Variants in CSMD1 observed in about 807,000 individuals in gnomAD.
CSMD1 encodes CUB and sushi domain-containing protein 1.
A neutral mutation model predicts 417.5 loss-of-function variants in CSMD1; 213 were observed. The observed-to-expected ratio is 0.51, with a 90% CI of 0.46 to 0.57. The LOEUF is 0.57. Ranked by LOEUF, CSMD1 falls within the 20% of genes least tolerant of loss-of-function variation. The pLI, the probability that CSMD1 is intolerant of heterozygous loss-of-function variation, is 0.00. For synonymous variants in CSMD1, 2,862 were observed against 1,736.8 expected (o/e 1.65, Z -16.11); for missense variants, 6,923 against 4,529.7 (o/e 1.53, Z -15.17).
Position 4,266,653 on chromosome 8 carries a change from T to G in CSMD1, c.415+153300A>C, listed in dbSNP as rs1229010603. On this transcript the variant is annotated intron_variant, in intron 3 of 69. Transcript: ENST00000635120. ...GTTGAACATTTTTATTTGTCATCTA[T>G]GAACATTGATATAACTTGAAAAATA... Among the ~76,000 whole-genome samples, 3 of 105,172 alleles carry G rather than the reference T, an allele frequency of 2.9e-5. 1 individual carries two copies. Among genetic ancestry groups the G allele is most frequent in the Non-Finnish European group, 7.7e-5 (3 of 38,990 alleles). The allele number at this position is 105,172 out of a possible 152,430, so 69.0% of individuals were successfully genotyped here.
At chr8:3,086,605 T>C (rs35850366) in intron 49 of CSMD1, among the ~76,000 whole-genome samples, 35,847 of 152,074 alleles carry the variant, frequency 0.24, 4,526 homozygotes, top group East Asian at 0.31. Flanking sequence ...ACCTGATTTT[T>C]ATGCACATGA....
intron 2 of CSMD1, among the ~76,000 whole-genome samples, chr8:4,573,835 C>G (rs1439765257): frequency 1.3e-5 from 2 of 152,186 alleles, no homozygotes; most frequent in Non-Finnish European, 2.9e-5. Flanking sequence ...GAGGAGGAAT[C>G]TAGAGAAGCA....
chr8:4,371,780 G>A (rs781253732), intron 3 of CSMD1, among the ~76,000 whole-genome samples: 2 of 152,134 alleles, frequency 1.3e-5, no homozygotes, highest in Non-Finnish European at 2.9e-5. Flanking sequence ...GACAAATATT[G>A]TTTTTTAATT....
rs1809654986 is a variant in CSMD1, at chr8:3,926,051, T to TATACACACACACACACACACACACC, written c.818+71851_818+71852insGGTGTGTGTGTGTGTGTGTGTGTAT. Among the ~76,000 whole-genome samples the TATACACACACACACACACACACACC allele has an allele frequency of 2.9e-4, 22 of 76,670 alleles. 1 individual carries two copies. In the East Asian group the frequency reaches 3.9e-3, roughly 13 times the overall value. 50.3% of individuals were successfully genotyped at this position (76,670 alleles called of 152,430 possible). On this transcript the variant is annotated intron_variant, in intron 5 of 69. Transcript: ENST00000635120. Reference sequence around the variant, plus strand: ...CACACACACACACACACAAACACCATATACACACACACACACACACACAAA... The same window carrying TATACACACACACACACACACACACC: ...CACACACACACACACACAAACACCATATACACACACACACACACACACACCATACACACACACACACACACACAAA...
At position 2,949,358 on chromosome 8, in the gene CSMD1, A is replaced by C; in HGVS notation, c.10343T>G (p.Phe3448Cys). Residue 3448 changes from phenylalanine to cysteine, a missense_variant, in exon 68 of 70, where the codon TTT (phenylalanine) becomes TGT (cysteine). Physicochemically the swap from Phe to Cys is radical, Grantham distance 205 (BLOSUM62 -2). Transcript: ENST00000635120. ...TCCATGAATGTCACCTTGAAAAGTA[A>C]ATCCTCCTCTTTCAAGTCCAGATGA... is the stretch of plus-strand genomic sequence containing the variant. ...YVSSGLERGGFTFQGDIHGKD... is the reference protein window; with the variant it reads ...YVSSGLERGGCTFQGDIHGKD... 1 of 1,607,258 alleles carries C rather than the reference A, an allele frequency of 6.2e-7. No individual in the cohort carries two copies. The highest frequency in any genetic ancestry group is 8.5e-7 in the Non-Finnish European group (1 of 1,176,364).
rs1277549095 is a variant in CSMD1, at chr8:3,930,553, T to C, written c.818+67350A>G. On this transcript the variant is annotated intron_variant, in intron 5 of 69. Coordinates refer to ENST00000635120, the MANE Select transcript of CSMD1 (RefSeq NM_033225.6). ...TCAAAAGTTCTAAGTTGCTAGCCAA[T>C]CGGGACAAATACAGAATCTGAGGTC... Among the ~76,000 whole-genome samples the C allele has an allele frequency of 1.3e-5, 2 of 150,282 alleles. 1 individual carries two copies. Among genetic ancestry groups the C allele is most frequent in the African/African-American group, 4.9e-5 (2 of 40,684 alleles).
chr8:3,697,909 T>G lies in CSMD1; in HGVS notation c.1009+10505A>C, dbSNP rs538410341. Among the ~76,000 whole-genome samples the G allele has an allele frequency of 5.3e-5, 8 of 152,308 alleles. No homozygotes were observed. In the East Asian group the frequency reaches 1.5e-3, roughly 29 times the overall value. On this transcript the variant is annotated intron_variant, in intron 7 of 69. Coordinates refer to ENST00000635120, the MANE Select transcript of CSMD1 (RefSeq NM_033225.6). ...CCATTACGCAAAGTGAGTTTTTCCCTTTAGTGAATCAATTATATTCTTTAA... is the reference window on the plus strand; with the variant it reads ...CCATTACGCAAAGTGAGTTTTTCCCGTTAGTGAATCAATTATATTCTTTAA...
chr8:3,558,799 G>C (rs1032824914), intron 10 of CSMD1, among the ~76,000 whole-genome samples: 6 of 150,912 alleles, frequency 4.0e-5, no homozygotes, highest in African/African-American at 1.5e-4. Flanking sequence ...ATGATGAATG[G>C]TGCCTCAATA....
intron 1 of CSMD1, among the ~76,000 whole-genome samples, chr8:4,791,819 C>T (rs2043811): frequency 0.23 from 34,297 of 152,094 alleles, 4,111 homozygotes; most frequent in African/African-American, 0.3. Flanking sequence ...TTCTCTGACA[C>T]TGACCTACAA....
chr8:3,919,539 T>A, intron 5 of CSMD1, among the ~76,000 whole-genome samples: 1 of 152,140 alleles, frequency 6.6e-6, no homozygotes, highest in East Asian at 1.9e-4. Flanking sequence ...TACTGAAGAT[T>A]GGTAATATAA....
chr8:4,115,124 G>A (rs746750999), intron 3 of CSMD1, among the ~76,000 whole-genome samples: 1 of 152,122 alleles, frequency 6.6e-6, no homozygotes, highest in African/African-American at 2.4e-5. Flanking sequence ...ATGAAAAAAA[G>A]TCCATAGATG....
At chr8:3,991,612 G>C (rs901598711) in intron 5 of CSMD1, among the ~76,000 whole-genome samples, 8 of 152,160 alleles carry the variant, frequency 5.3e-5, no homozygotes, top group Non-Finnish European at 1.0e-4. Context: ...CAGTAACAGA[G>C]ATGACTACAA....
intron 1 of CSMD1, among the ~76,000 whole-genome samples, chr8:4,761,001 T>C (rs1010003632): frequency 2.0e-5 from 3 of 152,178 alleles, no homozygotes; most frequent in Admixed American, 6.5e-5. Flanking sequence ...CCCTTTATCA[T>C]TGTGAGTAGC....
chr8:4,003,043 A>G (rs532729822), intron 4 of CSMD1, among the ~76,000 whole-genome samples: 98 of 152,164 alleles, frequency 6.4e-4, no homozygotes, highest in Non-Finnish European at 1.3e-3. Flanking sequence ...ATAAAAAAAT[A>G]TTTGCAACAA....
At chr8:3,528,468 C>A (rs1268784650) in intron 10 of CSMD1, among the ~76,000 whole-genome samples, 1 of 152,202 alleles carries the variant, frequency 6.6e-6, no homozygotes, top group African/African-American at 2.4e-5. Flanking sequence ...GCTTCAGCTT[C>A]CAAACCTTGA....
intron 26 of CSMD1, among the ~76,000 whole-genome samples, chr8:3,234,108 G>C (rs1049227557): frequency 7.9e-5 from 12 of 152,086 alleles, no homozygotes; most frequent in African/African-American, 2.9e-4. Context: ...TCTATTCCCT[G>C]AGCCAAGGGA....
At chr8:4,320,891 T>C (rs1193861578) in intron 3 of CSMD1, among the ~76,000 whole-genome samples, 4 of 152,108 alleles carry the variant, frequency 2.6e-5, no homozygotes, top group Non-Finnish European at 4.4e-5. Context: ...TTATGTTTGT[T>C]TTGTTTTTCA....
chr8:4,289,546 A>T (rs1485639423), intron 3 of CSMD1, among the ~76,000 whole-genome samples: 2 of 152,198 alleles, frequency 1.3e-5, no homozygotes, highest in African/African-American at 2.4e-5. Context: ...CAGATCTGAC[A>T]CGTGTCTCCC....
intron 54 of CSMD1, among the ~76,000 whole-genome samples, chr8:2,991,367 T>C (rs1044823067): frequency 6.6e-6 from 1 of 152,218 alleles, no homozygotes; most frequent in Non-Finnish European, 1.5e-5. Context: ...ACTGTCACTG[T>C]TGGAGATTTT....
Sources: allele counts gnomAD v4.1 joint callset (sites outside exome capture counted in the v4.1 genomes callset), GRCh38; gene constraint gnomAD v4.1.1; transcripts MANE v1.5; gene names NCBI Gene and HGNC (gene_info 2026-07-23, HGNC 2026-07-21).